Variants in MACROD2 observed in about 807,000 individuals in gnomAD.
MACROD2 encodes the protein mono-ADP ribosylhydrolase 2, also known as ADP-ribose glycohydrolase MACROD2.
Under a neutral mutation model 70.4 loss-of-function variants are expected in MACROD2, and 36 were observed. The ratio of observed to expected loss-of-function variants is 0.51; its 90% CI spans 0.39 to 0.68. The LOEUF (loss-of-function observed/expected upper bound fraction) is 0.68, where lower values mean the gene tolerates loss of function less well. MACROD2 is among the 30% of genes least tolerant of loss of function. MACROD2 has a pLI of 0.00. For missense variants in MACROD2, 496 were observed against 538.4 expected, an observed-to-expected ratio of 0.92 and a Z score of 0.78; for synonymous variants, 172 against 178.8, an observed-to-expected ratio of 0.96 and a Z score of 0.30.
intron 5 of MACROD2, among the ~76,000 whole-genome samples, chr20:14,797,355 C>G (rs958862098): frequency 3.9e-5 from 6 of 151,998 alleles, no homozygotes; most frequent in African/African-American, 1.5e-4. Context: ...ATTCTTAACC[C>G]AGTCTACCAA....
chr20:14,091,132 A>G (rs1309081632), intron 3 of MACROD2, among the ~76,000 whole-genome samples: 2 of 152,038 alleles, frequency 1.3e-5, no homozygotes, highest in Non-Finnish European at 2.9e-5. Context: ...AGTTCTTTAT[A>G]TATTTTGGCT....
At chr20:15,792,485 A>T (rs1203456840) in intron 8 of MACROD2, among the ~76,000 whole-genome samples, 1 of 152,170 alleles carries the variant, frequency 6.6e-6, no homozygotes, top group Non-Finnish European at 1.5e-5. Flanking sequence ...TAGTAAGGAA[A>T]AAATACACTT....
chr20:14,215,265 T>C (rs1044093780), intron 3 of MACROD2, among the ~76,000 whole-genome samples: 1 of 151,030 alleles, frequency 6.6e-6, no homozygotes, highest in Non-Finnish European at 1.5e-5. Flanking sequence ...TATTCCATCA[T>C]ATATATATGT....
At chr20:14,864,296 G>A (rs916677437) in intron 5 of MACROD2, among the ~76,000 whole-genome samples, 3 of 151,976 alleles carry the variant, frequency 2.0e-5, no homozygotes, top group African/African-American at 7.2e-5. Flanking sequence ...CCTGACTTTT[G>A]TCTTTTACCA....
intron 6 of MACROD2, among the ~76,000 whole-genome samples, chr20:15,251,160 T>G (rs1327086081): frequency 6.6e-6 from 1 of 152,186 alleles, no homozygotes; most frequent in East Asian, 1.9e-4. Context: ...AGGGGTCAGA[T>G]GATCAAAATT....
intron 5 of MACROD2, chr20:14,884,113 G>A (rs1016692540): frequency 2.6e-5 from 4 of 152,170 alleles, no homozygotes; most frequent in African/African-American, 9.6e-5. Context: ...ATCCCATGGA[G>A]TAGGAATAAT....
intron 4 of MACROD2, among the ~76,000 whole-genome samples, chr20:14,512,918 TAAC>T (rs1302938999): frequency 6.6e-6 from 1 of 152,064 alleles, no homozygotes; most frequent in Non-Finnish European, 1.5e-5. Context: ...CATGTGCAAA[TAAC>T]AACAGATGAT....
chr20:14,802,562 T>C (rs2072589758), intron 5 of MACROD2, among the ~76,000 whole-genome samples: 2 of 152,078 alleles, frequency 1.3e-5, no homozygotes, highest in Admixed American at 1.3e-4. Flanking sequence ...GTGTACATGC[T>C]GAGTGTGCCT....
chr20:16,041,387 TAGAACAC>T, intron 16 of MACROD2, 109 bp downstream of exon 16: 1 of 835,916 alleles, frequency 1.2e-6, no homozygotes, highest in Non-Finnish European at 1.8e-6. Context: ...CATATTTGGT[TAGAACAC>T]AGTAAATTTC....
In MACROD2 at chr20:15,350,200, G is replaced by A. The variant is rs116411621; in HGVS notation, c.541-81205G>A. Among the ~76,000 whole-genome samples, 1,437 of 152,162 alleles carry A rather than the reference G, an allele frequency of 9.4e-3. 23 individuals are homozygous for A. Among genetic ancestry groups the A allele is most frequent in the African/African-American group, 0.033 (1,353 of 41,504 alleles). Reference sequence around the variant, plus strand: ...CCTTGCTTTTGGCATTTGTTTTTTCGTCATTATAGCTTTGGTTGCTAGTCT... The same window carrying A: ...CCTTGCTTTTGGCATTTGTTTTTTCATCATTATAGCTTTGGTTGCTAGTCT... On this transcript the variant is annotated intron_variant, in intron 6 of 17. Transcript: ENST00000684519.
At chr20:14,748,327 A>C (rs953241836) in intron 5 of MACROD2, among the ~76,000 whole-genome samples, 1 of 152,102 alleles carries the variant, frequency 6.6e-6, no homozygotes, top group African/African-American at 2.4e-5. Flanking sequence ...TACATAACTC[A>C]TTGGGGAACT....
At chr20:15,814,847 C>T (rs1475298581) in intron 8 of MACROD2, among the ~76,000 whole-genome samples, 1 of 152,218 alleles carries the variant, frequency 6.6e-6, no homozygotes, top group Non-Finnish European at 1.5e-5. Flanking sequence ...TTTGCTACAG[C>T]ACAGTTCTGG....
At chr20:15,698,991 T>C (rs1054005216) in intron 8 of MACROD2, among the ~76,000 whole-genome samples, 2 of 152,260 alleles carry the variant, frequency 1.3e-5, no homozygotes, top group African/African-American at 4.8e-5. Flanking sequence ...TCTTGTATTA[T>C]GTTTTGGATT....
rs868651396 is a variant in MACROD2, at chr20:15,206,929, G to A, written c.419-23011G>A. On this transcript the variant is annotated intron_variant, in intron 5 of 17. Coordinates refer to ENST00000684519, the MANE Select transcript of MACROD2 (RefSeq NM_001351661.2). ...TTTTTTGTATTTTTAGTAGAGACGG[G>A]GTTTCACCTTGTTAGCCAGGATGGC... 1.7e-4 allele frequency among the ~76,000 whole-genome samples: 25 copies of A among 150,222 alleles called. No homozygotes were observed. In the Middle Eastern group the frequency reaches 0.01, roughly 61 times the overall value.
intron 10 of MACROD2, among the ~76,000 whole-genome samples, chr20:15,928,336 C>T (rs2065522744): frequency 6.6e-6 from 1 of 152,200 alleles, no homozygotes; most frequent in South Asian, 2.1e-4. Flanking sequence ...AGTTGTAGCA[C>T]TGCACTCACT....
chr20:15,110,439 T>C (rs955886835), intron 5 of MACROD2, among the ~76,000 whole-genome samples: 4 of 152,018 alleles, frequency 2.6e-5, no homozygotes, highest in Admixed American at 6.5e-5. Context: ...CTAGAGGCAA[T>C]ACTTGGGCCA....
At chr20:14,809,045 G>T (rs2072675306) in intron 5 of MACROD2, among the ~76,000 whole-genome samples, 1 of 152,002 alleles carries the variant, frequency 6.6e-6, no homozygotes, top group Non-Finnish European at 1.5e-5. Context: ...AATTAACAAG[G>T]ATATTCAGGA....
intron 3 of MACROD2, among the ~76,000 whole-genome samples, chr20:14,177,267 A>G (rs1296280474): frequency 6.6e-6 from 1 of 151,930 alleles, no homozygotes; most frequent in South Asian, 2.1e-4. Flanking sequence ...TAGCCCTATC[A>G]GACATTAAAA....
At chr20:14,500,675 G>T (rs1020141669) in intron 4 of MACROD2, among the ~76,000 whole-genome samples, 1 of 152,094 alleles carries the variant, frequency 6.6e-6, no homozygotes, top group African/African-American at 2.4e-5. Context: ...TCTAACTTTG[G>T]TTACTGTGAT....
Sources: allele counts gnomAD v4.1 joint callset (sites outside exome capture counted in the v4.1 genomes callset), GRCh38; gene constraint gnomAD v4.1.1; transcripts MANE v1.5; gene names NCBI Gene and HGNC (gene_info 2026-07-23, HGNC 2026-07-21).